The following CCDC68 variants were observed in gnomAD, a reference collection of about 807,000 sequenced individuals.
CCDC68 encodes coiled-coil domain containing 68.
CCDC68 carries 45 observed loss-of-function variants against 47.1 expected under a neutral mutation model. The ratio of observed to expected loss-of-function variants is 0.96; its 90% CI spans 0.75 to 1.23. The LOEUF (loss-of-function observed/expected upper bound fraction) is 1.23. Ranked by LOEUF, CCDC68 falls within the 50% of genes most tolerant of loss-of-function variation. The pLI is 0.00. For synonymous variants in CCDC68, 131 were observed against 129.5 expected (o/e 1.01, Z -0.08); for missense variants, 353 against 373.6 (o/e 0.94, Z 0.45).
chr18:54,906,909 G>A (rs1914043225), intron 11 of CCDC68, among the ~76,000 whole-genome samples: 3 of 152,186 alleles, frequency 2.0e-5, no homozygotes, highest in African/African-American at 2.4e-5. Flanking sequence ...GTGAAATACT[G>A]TTTCAGGCAG....
intron 1 of CCDC68, among the ~76,000 whole-genome samples, chr18:54,950,668 T>A (rs1893802): frequency 0.59 from 88,986 of 151,346 alleles, 26,365 homozygotes; most frequent in East Asian, 0.68. Flanking sequence ...ATGAAATATT[T>A]GTGTAAACAC....
At chr18:54,942,011 T>G (rs1290600139) in intron 3 of CCDC68, among the ~76,000 whole-genome samples, 1 of 152,156 alleles carries the variant, frequency 6.6e-6, no homozygotes. Context: ...TTGGTCAGAC[T>G]GGTCTCAAAC....
chr18:54,909,724 C>A (rs1029037245), intron 10 of CCDC68, among the ~76,000 whole-genome samples: 1 of 152,214 alleles, frequency 6.6e-6, no homozygotes, highest in Non-Finnish European at 1.5e-5. Flanking sequence ...TGGGTGCTGG[C>A]TCTGCGAGGC....
At chr18:54,933,010 C>A (rs1333125162) in intron 7 of CCDC68, among the ~76,000 whole-genome samples, 2 of 152,134 alleles carry the variant, frequency 1.3e-5, no homozygotes, top group African/African-American at 4.8e-5. Flanking sequence ...GTAAATATAC[C>A]CCAGAACTCT....
intron 1 of CCDC68, among the ~76,000 whole-genome samples, chr18:54,946,224 C>T (rs2145609911): frequency 6.6e-6 from 1 of 152,318 alleles, no homozygotes; most frequent in African/African-American, 2.4e-5. Flanking sequence ...ATGTACATAT[C>T]TTTTATGTCG....
rs542353616 is a variant in CCDC68 at position 54,920,477 on chromosome 18, C to G, written c.684-1101G>C. 1.4e-3 allele frequency among the ~76,000 whole-genome samples: 211 copies of G among 152,120 alleles called. 1 individual carries two copies. The highest frequency in any genetic ancestry group is 4.9e-3 in the African/African-American group (204 of 41,522). On this transcript the variant is annotated intron_variant, in intron 8 of 11. Transcript: ENST00000591504. Reference sequence around the variant, plus strand: ...GCTGGTCTTGAGCTCCTGACCTCAGCTGATCCACCCACCTCAGCCTCTATG... The same window carrying G: ...GCTGGTCTTGAGCTCCTGACCTCAGGTGATCCACCCACCTCAGCCTCTATG...
At chr18:54,906,435 T>C (rs1414085502) in intron 11 of CCDC68, among the ~76,000 whole-genome samples, 1 of 152,184 alleles carries the variant, frequency 6.6e-6, no homozygotes, top group Non-Finnish European at 1.5e-5. Context: ...CTCTTCAACA[T>C]GACCCCTATA....
At chr18:54,927,842 T>G (rs112712440) in intron 8 of CCDC68, among the ~76,000 whole-genome samples, 1 of 151,876 alleles carries the variant, frequency 6.6e-6, no homozygotes, top group Non-Finnish European at 1.5e-5. Flanking sequence ...AAATGCAGGA[T>G]TACAAGCCAG....
chr18:54,901,511 C>T lies in CCDC68; in HGVS notation c.*2847G>A, dbSNP rs1345152989. 6.6e-6 allele frequency: 1 copy of T among 152,038 alleles called. No individual in the cohort carries two copies. Among genetic ancestry groups the T allele is most frequent in the Non-Finnish European group, 1.5e-5 (1 of 67,994 alleles). 9.4% of individuals were successfully genotyped at this position (152,038 alleles called of 1,614,324 possible). The stretch of plus-strand genomic sequence containing the variant: ...ACAAAAACCAAAAAACTACTTAATT[C>T]ATTTATGCATAATTTTAATATAAAA... On this transcript the variant is annotated 3_prime_UTR_variant, in exon 12 of 12. Coordinates refer to ENST00000591504, the MANE Select transcript of CCDC68 (RefSeq NM_025214.3).
rs1051084988 is a variant in CCDC68 at position 54,903,803 on chromosome 18, A to G, written c.*555T>C. On this transcript the variant is annotated 3_prime_UTR_variant, in exon 12 of 12. Coordinates refer to ENST00000591504, the MANE Select transcript of CCDC68 (RefSeq NM_025214.3). ...AAGGAATCTGCTCTTTCTCCTGCCC[A>G]TAATTCAGTCAAGTATAATTCTCCC... The G allele has an allele frequency of 8.5e-5, 13 of 152,312 alleles. No homozygotes were observed. The highest frequency in any genetic ancestry group is 2.7e-4 in the African/African-American group (11 of 41,456). The allele number at this position is 152,312 out of a possible 1,614,324, so 9.4% of individuals were successfully genotyped here.
rs1346493910 is a variant in CCDC68, at chr18:54,907,767, A to G, written c.950+19T>C. 2 of 1,409,122 alleles carry G rather than the reference A, an allele frequency of 1.4e-6. No individual in the cohort carries two copies. Among genetic ancestry groups the G allele is most frequent in the Admixed American group, 3.4e-5 (2 of 59,424 alleles). 87.3% of individuals were successfully genotyped at this position (1,409,122 alleles called of 1,614,324 possible). A position where few individuals can be genotyped will look rare whatever the true frequency, so the allele number is the denominator to read the frequency against. Reference sequence around the variant, plus strand: ...AACATAGGTTGTGAAGACAGGGTGGAAGAGGACAGAGACCTTACCTTGTAG... The same window carrying G: ...AACATAGGTTGTGAAGACAGGGTGGGAGAGGACAGAGACCTTACCTTGTAG... On this transcript the variant is annotated intron_variant, in intron 11 of 11. Coordinates refer to ENST00000591504, the MANE Select transcript of CCDC68 (RefSeq NM_025214.3).
intron 11 of CCDC68, among the ~76,000 whole-genome samples, chr18:54,906,688 A>G (rs1372029151): frequency 1.3e-5 from 2 of 152,038 alleles, no homozygotes; most frequent in East Asian, 1.9e-4. Context: ...ATCTTCCCCA[A>G]CTGAAGTGAC....
At chr18:54,944,609 A>G (rs1267444003) in intron 2 of CCDC68, among the ~76,000 whole-genome samples, 1 of 152,246 alleles carries the variant, frequency 6.6e-6, no homozygotes, top group East Asian at 1.9e-4. Context: ...CTCAATGCAC[A>G]TAAACCAAAA....
intron 8 of CCDC68, among the ~76,000 whole-genome samples, chr18:54,920,017 T>C (rs2044028738): frequency 6.6e-6 from 1 of 152,154 alleles, no homozygotes; most frequent in Non-Finnish European, 1.5e-5. Flanking sequence ...AAAAAGTCAA[T>C]TTTGAATTTA....
At chr18:54,933,252 T>C (rs1452431640) in intron 7 of CCDC68, among the ~76,000 whole-genome samples, 1 of 152,174 alleles carries the variant, frequency 6.6e-6, no homozygotes, top group South Asian at 2.1e-4. Context: ...CAGCTAATTT[T>C]TGTATTTTTA....
At chr18:54,952,158 T>C (rs2044630228) in intron 1 of CCDC68, among the ~76,000 whole-genome samples, 1 of 152,204 alleles carries the variant, frequency 6.6e-6, no homozygotes, top group Non-Finnish European at 1.5e-5. Context: ...AGCCAATTAT[T>C]CCTCCTGATT....
At chr18:54,917,860 C>T in intron 10 of CCDC68, 53 bp downstream of exon 10, 2 of 963,322 alleles carry the variant, frequency 2.1e-6, no homozygotes, top group Non-Finnish European at 1.7e-6. Flanking sequence ...CACACACACA[C>T]ACACACACAC....
intron 7 of CCDC68, 125 bp from the exon 8 acceptor site, chr18:54,929,007 A>C: frequency 1.6e-6 from 1 of 636,834 alleles, no homozygotes; most frequent in Non-Finnish European, 2.8e-6. Flanking sequence ...GTTACTCCTC[A>C]TCTTCAAGGA....
At chr18:54,940,781 C>T (rs567178321) in intron 4 of CCDC68, among the ~76,000 whole-genome samples, 3 of 152,330 alleles carry the variant, frequency 2.0e-5, no homozygotes, top group East Asian at 1.9e-4. Context: ...ATAAGTAAGC[C>T]TTGTTTAATA....
Sources: allele counts gnomAD v4.1 joint callset (sites outside exome capture counted in the v4.1 genomes callset), GRCh38; gene constraint gnomAD v4.1.1; transcripts MANE v1.5; gene names NCBI Gene and HGNC (gene_info 2026-07-23, HGNC 2026-07-21).